The following NCOR1 variants were observed in gnomAD, a reference collection of about 807,000 sequenced individuals.
NCOR1 encodes protein phosphatase 1, regulatory subunit 109.
Under a neutral mutation model 288.1 loss-of-function variants are expected in NCOR1, and 63 were observed. The ratio of observed to expected loss-of-function variants is 0.22; its 90% CI spans 0.18 to 0.27. NCOR1 has a LOEUF of 0.27. NCOR1 is among the 10% of genes least tolerant of loss of function. The probability of loss-of-function intolerance (pLI) is 1.00; values close to 1 mark genes in which losing one functional copy is unlikely to be tolerated. For synonymous variants in NCOR1, 1,007 were observed against 1,065.9 expected (o/e 0.94, Z 1.08); for missense variants, 2,397 against 3,019.2 (o/e 0.79, Z 4.83).
intron 40 of NCOR1, among the ~76,000 whole-genome samples, chr17:16,050,586 G>C (rs1461516705): frequency 6.6e-6 from 1 of 152,134 alleles, no homozygotes; most frequent in Non-Finnish European, 1.5e-5. Flanking sequence ...TCAACATCTG[G>C]AATTATGACT....
chr17:16,191,626 A>G (rs1478860150), intron 2 of NCOR1, among the ~76,000 whole-genome samples: 1 of 152,194 alleles, frequency 6.6e-6, no homozygotes, highest in Non-Finnish European at 1.5e-5. Context: ...AAAAAAGTGA[A>G]CAGAGGTCCA....
intron 40 of NCOR1, among the ~76,000 whole-genome samples, chr17:16,049,873 G>A (rs900072244): frequency 1.3e-5 from 2 of 151,938 alleles, no homozygotes; most frequent in Non-Finnish European, 2.9e-5. Flanking sequence ...TACCGCACCT[G>A]GCCCATTTAT....
intron 44 of NCOR1, among the ~76,000 whole-genome samples, chr17:16,037,442 C>T (rs2056640821): frequency 6.6e-6 from 1 of 151,968 alleles, no homozygotes. Flanking sequence ...ACGAGGTATG[C>T]TTGCATTTAA....
At chr17:16,192,582 G>T (rs567359901) in intron 2 of NCOR1, among the ~76,000 whole-genome samples, 1 of 152,246 alleles carries the variant, frequency 6.6e-6, no homozygotes, top group South Asian at 2.1e-4. Flanking sequence ...CTTGAACCCA[G>T]GAGGCAGAGG....
chr17:16,069,139 C>G (rs762415892), intron 31 of NCOR1, among the ~76,000 whole-genome samples: 1 of 152,138 alleles, frequency 6.6e-6, no homozygotes, highest in Non-Finnish European at 1.5e-5. Context: ...ACCATCACAT[C>G]TAATTACTAA....
chr17:16,150,367 T>G (rs1296017117), intron 8 of NCOR1, among the ~76,000 whole-genome samples: 2 of 152,102 alleles, frequency 1.3e-5, no homozygotes, highest in Admixed American at 6.5e-5. Flanking sequence ...ACAAAGCAAA[T>G]GACGGTGATG....
At chr17:16,034,619 A>G (rs997626301) in intron 45 of NCOR1, 146 bp downstream of exon 45, 8 of 753,186 alleles carry the variant, frequency 1.1e-5, no homozygotes, top group African/African-American at 3.5e-5. Flanking sequence ...AAATACTTCT[A>G]TTCGGGAAAG....
intron 21 of NCOR1, among the ~76,000 whole-genome samples, chr17:16,094,774 C>T (rs1160977646): frequency 1.3e-5 from 2 of 152,240 alleles, no homozygotes; most frequent in East Asian, 1.9e-4. Context: ...GCTGTGTTGG[C>T]TGGGCTGGTC....
Position 16,061,910 on chromosome 17 carries a change from A to C in NCOR1, c.5388-16T>G. On this transcript the variant is annotated splice_polypyrimidine_tract_variant and intron_variant, in intron 36 of 45. Coordinates refer to ENST00000268712, the MANE Select transcript of NCOR1 (RefSeq NM_006311.4). ...AGGCAGTGGCCTGTAAATAAAACCA[A>C]ATCACAGCTCTGTGAAGGGAAGACC... 6.3e-7 allele frequency: 1 copy of C among 1,592,924 alleles called. No individual in the cohort carries two copies. Among genetic ancestry groups the C allele is most frequent in the Non-Finnish European group, 8.5e-7 (1 of 1,169,780 alleles).
At chr17:16,111,881 T>C in intron 18 of NCOR1, among the ~76,000 whole-genome samples, 1 of 152,120 alleles carries the variant, frequency 6.6e-6, no homozygotes, top group Non-Finnish European at 1.5e-5. Flanking sequence ...TTTTTATTTT[T>C]ATTTTTCAGA....
Position 16,161,080 on chromosome 17 carries a change from G to C in NCOR1, c.619-2207C>G, listed in dbSNP as rs149195296. ...TTCTGAGATCATTTTTATGGTAAAG[G>C]GTTCTTCAATGATTCCCTTTCTTTC... On this transcript the variant is annotated intron_variant, in intron 5 of 45. Transcript: ENST00000268712. Among the ~76,000 whole-genome samples, 629 of 152,112 alleles carry C rather than the reference G, an allele frequency of 4.1e-3. 7 individuals are homozygous for C. Among genetic ancestry groups the C allele is most frequent in the African/African-American group, 0.014 (596 of 41,482 alleles).
At chr17:16,148,173 T>C (rs1055048654) in intron 9 of NCOR1, among the ~76,000 whole-genome samples, 10 of 152,160 alleles carry the variant, frequency 6.6e-5, no homozygotes, top group South Asian at 2.1e-4. Flanking sequence ...TCCAGGACAG[T>C]ATACAACCTG....
intron 21 of NCOR1, among the ~76,000 whole-genome samples, chr17:16,096,895 T>C (rs1237098818): frequency 6.6e-6 from 1 of 152,216 alleles, no homozygotes; most frequent in Non-Finnish European, 1.5e-5. Flanking sequence ...TGTCTATGAA[T>C]GGATGAATGA....
intron 14 of NCOR1, among the ~76,000 whole-genome samples, chr17:16,131,543 A>G (rs2075639487): frequency 6.6e-6 from 1 of 152,252 alleles, no homozygotes. Context: ...AAGTTGCCAA[A>G]AAACGAAATT....
chr17:16,109,696 T>G (rs188245989), intron 18 of NCOR1, among the ~76,000 whole-genome samples: 11 of 152,140 alleles, frequency 7.2e-5, no homozygotes, highest in Admixed American at 1.3e-4. Context: ...AAGCAACAAC[T>G]CATCATTGAT....
intron 14 of NCOR1, among the ~76,000 whole-genome samples, chr17:16,134,942 G>A (rs988857609): frequency 6.6e-5 from 10 of 152,066 alleles, no homozygotes; most frequent in Admixed American, 5.2e-4. Context: ...GGCAGATCAC[G>A]AGGTCAGGAG....
intron 42 of NCOR1, among the ~76,000 whole-genome samples, chr17:16,046,068 C>T (rs1398647697): frequency 6.6e-6 from 1 of 152,226 alleles, no homozygotes; most frequent in East Asian, 1.9e-4. Context: ...CCGCCTTGGC[C>T]TCCCAAAGTG....
intron 1 of NCOR1, among the ~76,000 whole-genome samples, chr17:16,202,855 A>G (rs2091014212): frequency 6.6e-6 from 1 of 152,102 alleles, no homozygotes; most frequent in Admixed American, 6.6e-5. Context: ...CGAGCTCCAT[A>G]AATCTTAAAG....
rs555886335 is a variant in NCOR1, at chr17:16,188,954, G to T, written c.109-2267C>A. Among the ~76,000 whole-genome samples, 426 of 152,162 alleles carry T rather than the reference G, an allele frequency of 2.8e-3. 3 individuals carry two copies. The highest frequency in any genetic ancestry group is 9.5e-3 in the African/African-American group (393 of 41,516). On this transcript the variant is annotated intron_variant, in intron 2 of 45. Coordinates refer to ENST00000268712, the MANE Select transcript of NCOR1 (RefSeq NM_006311.4). ...GCAGTAGAATCGCTTGAACCTGGGAGGCGGAGTTTGCAGTGAGCCTAGACG... is the reference window on the plus strand; with the variant it reads ...GCAGTAGAATCGCTTGAACCTGGGATGCGGAGTTTGCAGTGAGCCTAGACG...
Sources: allele counts gnomAD v4.1 joint callset (sites outside exome capture counted in the v4.1 genomes callset), GRCh38; gene constraint gnomAD v4.1.1; transcripts MANE v1.5; gene names NCBI Gene and HGNC (gene_info 2026-07-23, HGNC 2026-07-21).